Variants in ATAD3A observed in about 807,000 individuals in gnomAD.
ATAD3A encodes the protein ATPase family AAA domain containing 3A, also known as ATPase family AAA domain-containing protein 3A.
Under a neutral mutation model 73.8 loss-of-function variants are expected in ATAD3A, and 46 were observed. The ratio of observed to expected loss-of-function variants is 0.62; its 90% CI spans 0.49 to 0.80. The LOEUF (loss-of-function observed/expected upper bound fraction) is 0.80. Among genes scored for constraint, ATAD3A ranks in the 30% least tolerant of loss-of-function variants. The pLI is 0.00. For synonymous variants in ATAD3A, 319 were observed against 350.0 expected (o/e 0.91, Z 0.99); for missense variants, 705 against 838.0 (o/e 0.84, Z 1.96).
chr1:1,525,154 T>C lies in ATAD3A; in HGVS notation c.1215-86T>C, dbSNP rs57871049. Reference sequence around the variant, plus strand: ...CCTGACCCCGTGGGGATCTGCCTGCTTGGCCTGCTCCTGCCGCGGCCGGAC... The same window carrying C: ...CCTGACCCCGTGGGGATCTGCCTGCCTGGCCTGCTCCTGCCGCGGCCGGAC... On this transcript the variant is annotated intron_variant, in intron 11 of 15. Coordinates refer to ENST00000378756, the MANE Select transcript of ATAD3A (RefSeq NM_001170535.3). 4.3e-3 allele frequency: 6,727 copies of C among 1,575,172 alleles called. 244 individuals are homozygous for C. The African/African-American group carries it at 0.076, about 18-fold the overall frequency.
chr1:1,533,592 G>A (rs527611805), intron 15 of ATAD3A, among the ~76,000 whole-genome samples: 87 of 152,298 alleles, frequency 5.7e-4, no homozygotes, highest in Non-Finnish European at 9.3e-4. Context: ...GCCTGGCCAC[G>A]GCTGAGACTC....
In ATAD3A at chr1:1,520,281, C is replaced by T. The variant is rs749571503; in HGVS notation, c.655C>T (p.Arg219Cys). Residue 219 changes from arginine (R) to cysteine (C), a missense_variant, in exon 6 of 16, where the codon CGT becomes TGT. By Grantham distance (180) the Arg-to-Cys change is radical. Transcript: ENST00000378756. The surrounding 1 kb of genome is among the most constrained non-coding windows in gnomAD (Gnocchi z 4.0). Reference sequence around the variant, plus strand: ...GATCCGCCTGAAGGCGGCCGAGCACCGTCAGACCGTCTTGGAGTCCATCAG... The same window carrying T: ...GATCCGCCTGAAGGCGGCCGAGCACTGTCAGACCGTCTTGGAGTCCATCAG... ...EQIRLKAAEHRQTVLESIRTA... is the reference protein window; with the variant it reads ...EQIRLKAAEHCQTVLESIRTA... The T allele has an allele frequency of 4.3e-6, 7 of 1,613,032 alleles. No individual in the cohort carries two copies. The highest frequency in any genetic ancestry group is 5.9e-6 in the Non-Finnish European group (7 of 1,179,682).
At chr1:1,512,845 G>A (rs1480953611) in intron 1 of ATAD3A, among the ~76,000 whole-genome samples, 2 of 152,136 alleles carry the variant, frequency 1.3e-5, no homozygotes, top group Admixed American at 6.5e-5. Context: ...GGGTAGATGG[G>A]TTTGTTGGGT....
chr1:1,530,147 CAAAG>C (rs1185846018), intron 15 of ATAD3A, among the ~76,000 whole-genome samples: 1 of 152,186 alleles, frequency 6.6e-6, no homozygotes, highest in East Asian at 1.9e-4. Flanking sequence ...GCCACTGTGA[CAAAG>C]AGCCCCAGAT....
At chr1:1,531,145 G>A (rs1289933125) in intron 15 of ATAD3A, among the ~76,000 whole-genome samples, 1 of 151,734 alleles carries the variant, frequency 6.6e-6, no homozygotes, top group East Asian at 1.9e-4. Flanking sequence ...GCAATAGCGT[G>A]AGACTCCATC....
At chr1:1,529,723 G>A (rs1641972956) in intron 15 of ATAD3A, among the ~76,000 whole-genome samples, 1 of 152,248 alleles carries the variant, frequency 6.6e-6, no homozygotes, top group Admixed American at 6.5e-5. Flanking sequence ...GAGGGACATT[G>A]TGTTTTCTGG....
In ATAD3A at chr1:1,523,021, C is replaced by T; in HGVS notation, c.906+122C>T. ...TTTCCCCGGATAACGGGCACCCGCA[C>T]ACTGCTTCACGGGTGGGTTTTCCTG... On this transcript the variant is annotated intron_variant, in intron 8 of 15. Transcript: ENST00000378756. The surrounding 1 kb of genome is among the most constrained non-coding windows in gnomAD (Gnocchi z 5.1). 2.0e-6 allele frequency: 3 copies of T among 1,475,786 alleles called. No individual in the cohort carries two copies. Among genetic ancestry groups the T allele is most frequent in the East Asian group, 5.0e-5 (2 of 40,284 alleles). The allele number at this position is 1,475,786 out of a possible 1,614,324, so 91.4% of individuals were successfully genotyped here.
intron 2 of ATAD3A, chr1:1,517,074 T>C (rs1170921975): frequency 5.3e-6 from 8 of 1,510,764 alleles, no homozygotes; most frequent in African/African-American, 1.4e-5. Flanking sequence ...AAAGGGGGTG[T>C]CCGGCCTCCC....
rs767530778 is a variant in ATAD3A at position 1,522,711 on chromosome 1, G to A, written c.751-33G>A. 268 of 1,609,832 alleles carry A rather than the reference G, an allele frequency of 1.7e-4. 4 individuals carry two copies. The South Asian group carries it at 2.8e-3, about 17-fold the overall frequency. On this transcript the variant is annotated intron_variant, in intron 7 of 15. Transcript: ENST00000378756. The stretch of plus-strand genomic sequence containing the variant: ...TGCTCTAAGAGGGAGGGACGGTGGG[G>A]GCCGGTGCGCCAGTGCGGTGTCTCT...
At chr1:1,528,585 A>T (rs1641928446) in intron 14 of ATAD3A, among the ~76,000 whole-genome samples, 1 of 152,218 alleles carries the variant, frequency 6.6e-6, no homozygotes, top group African/African-American at 2.4e-5. Flanking sequence ...TGCAGCAGGC[A>T]CGGTGGGCAG....
Position 1,524,279 on chromosome 1 carries a change from G to A in ATAD3A, c.1096G>A (p.Ala366Thr), listed in dbSNP as rs573141333. ...CCTCACTCTTCCTGTCCAGAAACTC[G>A]CCCTGCACTCAGGCATGGACTACGC... is the stretch of plus-strand genomic sequence containing the variant. Reference protein sequence around the residue: ...TGKTLFAKKLALHSGMDYAIM... With the variant: ...TGKTLFAKKLTLHSGMDYAIM... Residue 366 changes from alanine to threonine, a missense_variant, in exon 11 of 16, where the codon GCC becomes ACC. Transcript: ENST00000378756. 3.2e-5 allele frequency: 52 copies of A among 1,613,756 alleles called. No individual in the cohort carries two copies. The highest frequency in any genetic ancestry group is 3.0e-4 in the South Asian group (27 of 91,074).
At chr1:1,515,134 G>A (rs1641315313) in intron 1 of ATAD3A, among the ~76,000 whole-genome samples, 1 of 152,200 alleles carries the variant, frequency 6.6e-6, no homozygotes, top group African/African-American at 2.4e-5. Context: ...CTGGAGTGCA[G>A]CGGTGCGATC....
chr1:1,527,938 C>A (rs11260608), intron 14 of ATAD3A, 76 bp downstream of exon 14: 90,679 of 1,327,734 alleles, frequency 0.068, 13,383 homozygotes, highest in East Asian at 0.45. Context: ...TCCACCATCA[C>A]TTACAAACCT....
chr1:1,517,270 G>T, intron 2 of ATAD3A, 41 bp from the exon 3 acceptor site: 2 of 1,547,452 alleles, frequency 1.3e-6, no homozygotes, highest in South Asian at 2.4e-5. Context: ...GGCAGTGCCA[G>T]CCCTGAGCAA....
rs146731359 is a variant in ATAD3A, at chr1:1,517,323, G to A, written c.295G>A (p.Ala99Thr). 2,099 of 1,545,728 alleles carry A rather than the reference G, an allele frequency of 1.4e-3. 5 individuals are homozygous for A. Among genetic ancestry groups the A allele is most frequent in the Middle Eastern group, 1.7e-3 (8 of 4,798 alleles). ...QQSKLKEYEA[A>T]VEQLKSEQIR... ...CTGTGCTCTGCAGGAGTATGAGGCC[G>A]CCGTGGAGCAGCTCAAGAGCGAGCA... Residue 99 changes from alanine (A) to threonine (T), a missense_variant, in exon 3 of 16, where the codon GCC becomes ACC. Physicochemically the swap from Ala to Thr is moderately conservative, Grantham distance 58. Coordinates refer to ENST00000378756, the MANE Select transcript of ATAD3A (RefSeq NM_001170535.3).
At position 1,517,220 on chromosome 1, in the gene ATAD3A, C is replaced by G. The variant is rs1309239426; in HGVS notation, c.283-91C>G. 3 of 1,545,428 alleles carry G rather than the reference C, an allele frequency of 1.9e-6. No individual in the cohort carries two copies. In the South Asian group the frequency reaches 3.6e-5, roughly 19 times the overall value. Reference sequence around the variant, plus strand: ...ACACACTAGTCTGGGCATGGAGTCTCTGCCGTGCCGGAGCCGTGCAGACAC... The same window carrying G: ...ACACACTAGTCTGGGCATGGAGTCTGTGCCGTGCCGGAGCCGTGCAGACAC... On this transcript the variant is annotated intron_variant, in intron 2 of 15. Transcript: ENST00000378756.
At chr1:1,515,095 T>A (rs1641314076) in intron 1 of ATAD3A, among the ~76,000 whole-genome samples, 1 of 152,070 alleles carries the variant, frequency 6.6e-6, no homozygotes, top group Non-Finnish European at 1.5e-5. Context: ...GGATGGAGAT[T>A]TTTCTTTTTT....
intron 15 of ATAD3A, among the ~76,000 whole-genome samples, chr1:1,532,917 C>T (rs1314989124): frequency 6.2e-4 from 92 of 149,332 alleles, no homozygotes; most frequent in Non-Finnish European, 1.0e-3. Context: ...GGTGCGGCTC[C>T]GGTCAGTGTC....
chr1:1,512,497 C>CGGGCGGGCGGGGCGGG (rs1557452502), intron 1 of ATAD3A, 24 bp downstream of exon 1: 2 of 707,648 alleles, frequency 2.8e-6, no homozygotes, highest in South Asian at 1.3e-4. Context: ...GGCGGGGCGG[C>CGGGCGGGCGGGGCGGG]GCGGGCGGGC....
Sources: gnomAD v4.1 joint callset for allele counts (sites outside exome capture counted in the v4.1 genomes callset) on GRCh38, gnomAD v4.1.1 for gene constraint, Gnocchi (gnomAD v3.1) non-coding constraint, MANE v1.5 for transcripts, NCBI Gene and HGNC (gene_info 2026-07-23, HGNC 2026-07-21) for gene names.